The following BMF variants were observed in gnomAD, a reference collection of about 807,000 sequenced individuals.
BMF encodes bcl-2-modifying factor.
Under a neutral mutation model 22.0 loss-of-function variants are expected in BMF, and 10 were observed. The observed-to-expected ratio is 0.45, with a 90% CI of 0.28 to 0.77. BMF has a LOEUF of 0.77. Among genes scored for constraint, BMF ranks in the 30% least tolerant of loss-of-function variants. The pLI is 0.13. For synonymous variants in BMF, 87 were observed against 88.1 expected (o/e 0.99, Z 0.07); for missense variants, 206 against 226.8 (o/e 0.91, Z 0.59).
intron 4 of BMF, among the ~76,000 whole-genome samples, chr15:40,098,871 G>C (rs1479120831): frequency 1.3e-5 from 2 of 152,206 alleles, no homozygotes; most frequent in African/African-American, 4.8e-5. Context: ...GTCAGGTGCA[G>C]AGTGTGTGGG....
intron 4 of BMF, among the ~76,000 whole-genome samples, chr15:40,100,716 T>C (rs554105688): frequency 1.3e-5 from 2 of 152,346 alleles, no homozygotes; most frequent in Non-Finnish European, 2.9e-5. Flanking sequence ...AAAGTGCAGA[T>C]GGCCCACGTA....
chr15:40,107,076 C>T (rs1477669569), intron 2 of BMF, among the ~76,000 whole-genome samples: 1 of 152,178 alleles, frequency 6.6e-6, no homozygotes. Flanking sequence ...GTTCCTCTTG[C>T]TCCACCTGAT....
intron 4 of BMF, among the ~76,000 whole-genome samples, chr15:40,097,272 CAACTGAGCTACCAAGCACCT>C (rs1595477323): frequency 1.3e-5 from 2 of 151,650 alleles, no homozygotes; most frequent in South Asian, 4.2e-4. Flanking sequence ...ACCAAGCACC[CAACTGAGCTACCAAGCACCT>C]AACTGAGCTA....
At chr15:40,105,068 C>T (rs186635179) in intron 3 of BMF, among the ~76,000 whole-genome samples, 1 of 152,274 alleles carries the variant, frequency 6.6e-6, no homozygotes, top group Admixed American at 6.5e-5. Context: ...CCAGAACTGC[C>T]CTAAGGGGCA....
At chr15:40,102,664 T>C (rs576477186) in intron 4 of BMF, among the ~76,000 whole-genome samples, 19 of 152,148 alleles carry the variant, frequency 1.2e-4, no homozygotes, top group Admixed American at 9.8e-4. Flanking sequence ...GCCCGCTAGA[T>C]GAGTCTAAAA....
At chr15:40,100,016 A>G (rs1026080890) in intron 4 of BMF, among the ~76,000 whole-genome samples, 1 of 152,184 alleles carries the variant, frequency 6.6e-6, no homozygotes, top group Non-Finnish European at 1.5e-5. Flanking sequence ...TTCTGAATGG[A>G]GCCACTCCTG....
chr15:40,088,074 G>A lies in BMF; in HGVS notation c.*3713C>T, dbSNP rs536418522. ...GGCAGAGTGCCCAGACCCCAGGGCA[G>A]CTACCCTGGGGATGAACAAAATGCT... On this transcript the variant is annotated 3_prime_UTR_variant, in exon 5 of 5. Transcript: ENST00000354670. 1 of 152,740 alleles carries A rather than the reference G, an allele frequency of 6.5e-6. No individual in the cohort carries two copies. The highest frequency in any genetic ancestry group is 2.4e-5 in the African/African-American group (1 of 41,548). 9.5% of individuals were successfully genotyped at this position (152,740 alleles called of 1,614,324 possible).
intron 4 of BMF, among the ~76,000 whole-genome samples, chr15:40,100,424 T>G (rs1211106339): frequency 2.0e-5 from 3 of 152,166 alleles, no homozygotes; most frequent in Non-Finnish European, 4.4e-5. Flanking sequence ...CCTGCCACAG[T>G]TTGTCAGCTC....
chr15:40,099,802 A>AG (rs1305257105), intron 4 of BMF, among the ~76,000 whole-genome samples: 1 of 150,774 alleles, frequency 6.6e-6, no homozygotes, highest in African/African-American at 2.4e-5. Flanking sequence ...AAAAAAAAAA[A>AG]GGCTTGGAGA....
At chr15:40,101,991 C>T (rs1296035805) in intron 4 of BMF, among the ~76,000 whole-genome samples, 1 of 152,148 alleles carries the variant, frequency 6.6e-6, no homozygotes, top group Non-Finnish European at 1.5e-5. Context: ...AGGTGCAAGG[C>T]AGAGGAGACT....
rs148759825 is a variant in BMF at position 40,098,057 on chromosome 15, G to A, written c.453+6123C>T. ...CGAGGAACGAGCAACGTGGCAAAACGGAAAAGGAAAAAAAAGACTCCTTGC... is the reference window on the plus strand; with the variant it reads ...CGAGGAACGAGCAACGTGGCAAAACAGAAAAGGAAAAAAAAGACTCCTTGC... On this transcript the variant is annotated intron_variant, in intron 4 of 4. Coordinates refer to ENST00000354670, the MANE Select transcript of BMF (RefSeq NM_001003940.2). Among the ~76,000 whole-genome samples, 147 of 152,182 alleles carry A rather than the reference G, an allele frequency of 9.7e-4. 2 individuals carry two copies. Among genetic ancestry groups the A allele is most frequent in the African/African-American group, 3.4e-3 (143 of 41,534 alleles).
At chr15:40,103,637 G>A (rs1463481325) in intron 4 of BMF, among the ~76,000 whole-genome samples, 2 of 152,202 alleles carry the variant, frequency 1.3e-5, no homozygotes, top group African/African-American at 2.4e-5. Flanking sequence ...TACACTCTCC[G>A]GAGTCCCAGA....
At chr15:40,095,770 A>G (rs11637681) in intron 4 of BMF, among the ~76,000 whole-genome samples, 31,017 of 152,192 alleles carry the variant, frequency 0.2, 3,768 homozygotes, top group South Asian at 0.32. Context: ...AAGGTGCCCT[A>G]ACATGGTAGA....
rs373116936 is a variant in BMF at position 40,106,116 on chromosome 15, T to C, written c.-5-25A>G. 12 of 1,556,692 alleles carry C rather than the reference T, an allele frequency of 7.7e-6. No homozygotes were observed. The African/African-American group carries it at 1.5e-4, about 19-fold the overall frequency. On this transcript the variant is annotated intron_variant, in intron 2 of 4. Transcript: ENST00000354670. This position sits in a 1 kb window ranked among gnomAD's most constrained non-coding sequence, Gnocchi z 4.1. Reference sequence around the variant, plus strand: ...CCTGTGAGGGGGCAACGCAGGCATCTGGGCTGCTGCCCCACCAGGGCCATA... The same window carrying C: ...CCTGTGAGGGGGCAACGCAGGCATCCGGGCTGCTGCCCCACCAGGGCCATA...
At chr15:40,105,059 C>G (rs1236390735) in intron 3 of BMF, among the ~76,000 whole-genome samples, 1 of 152,196 alleles carries the variant, frequency 6.6e-6, no homozygotes, top group Admixed American at 6.5e-5. Flanking sequence ...ACTGCTTTGC[C>G]AGAACTGCCC....
chr15:40,096,986 G>C (rs541215903), intron 4 of BMF, among the ~76,000 whole-genome samples: 3 of 152,330 alleles, frequency 2.0e-5, no homozygotes, highest in African/African-American at 7.2e-5. Flanking sequence ...ACGATGTGAA[G>C]TTTTCCTCCC....
chr15:40,091,967 G>A, intron 4 of BMF, 79 bp from the exon 5 acceptor site: 1 of 1,109,660 alleles, frequency 9.0e-7, no homozygotes, highest in South Asian at 1.3e-5. Flanking sequence ...TCCAGTAAAA[G>A]TTCAGATCTC....
In BMF at chr15:40,094,148, T is replaced by G. The variant is rs147473781; in HGVS notation, c.454-2260A>C. Among the ~76,000 whole-genome samples the G allele has an allele frequency of 1.3e-3, 202 of 152,268 alleles. 2 individuals are homozygous for G. The highest frequency in any genetic ancestry group is 4.5e-3 in the African/African-American group (187 of 41,540). On this transcript the variant is annotated intron_variant, in intron 4 of 4. Transcript: ENST00000354670. ...GGAAAGCAGATGAGAATTCTATGAT[T>G]TGGGGCTGAGGCAATTCTCATCTCT...
At chr15:40,097,719 C>A (rs1358070909) in intron 4 of BMF, among the ~76,000 whole-genome samples, 1 of 152,202 alleles carries the variant, frequency 6.6e-6, no homozygotes, top group East Asian at 1.9e-4. Context: ...AAGCACTGGG[C>A]CTGGGGGCTG....
Sources: gnomAD v4.1 joint callset for allele counts (sites outside exome capture counted in the v4.1 genomes callset) on GRCh38, gnomAD v4.1.1 for gene constraint, Gnocchi (gnomAD v3.1) non-coding constraint, MANE v1.5 for transcripts, NCBI Gene and HGNC (gene_info 2026-07-23, HGNC 2026-07-21) for gene names.